Variants in TSPYL1 observed in about 807,000 individuals in gnomAD.
The protein encoded by TSPYL1 is testis-specific Y-encoded-like protein 1.
Under a neutral mutation model 20.1 loss-of-function variants are expected in TSPYL1, and 16 were observed. The ratio of observed to expected loss-of-function variants is 0.80; its 90% CI spans 0.54 to 1.21. The LOEUF (loss-of-function observed/expected upper bound fraction) is 1.21. TSPYL1 is among the 50% of genes most tolerant of loss of function. The pLI, the probability that TSPYL1 is intolerant of heterozygous loss-of-function variation, is 0.00. For synonymous variants in TSPYL1, 259 were observed against 227.1 expected (o/e 1.14, Z -1.26); for missense variants, 560 against 569.3 (o/e 0.98, Z 0.17).
chr6:116,278,753 C>A lies in TSPYL1; in HGVS notation c.1078G>T (p.Gly360Trp). ...SLSTPIIWRR[G>W]HEPQSFIRRN... ...CGAATGAAGGACTGGGGTTCATGCC[C>A]CCTGCGCCATATAATTGGAGTAGAA... The change falls in exon 1 of 1, where the codon GGG becomes TGG. Residue 360 changes from glycine (G) to tryptophan (W), a missense_variant. By Grantham distance (184) the Gly-to-Trp change is radical (BLOSUM62 -2). Transcript: ENST00000368608. The A allele has an allele frequency of 6.2e-7, 1 of 1,614,118 alleles. No homozygotes were observed. Among genetic ancestry groups the A allele is most frequent in the Non-Finnish European group, 8.5e-7 (1 of 1,180,030 alleles).
rs1773269097 is a variant in TSPYL1 at position 116,278,438 on chromosome 6, A to T, written c.*79T>A. On this transcript the variant is annotated 3_prime_UTR_variant, in exon 1 of 1. Transcript: ENST00000368608. ...AAAAACAAAGCACAATAGAAGGCAT[A>T]CTCATTGCTGATGCCCAAGCACAGG... is the stretch of plus-strand genomic sequence containing the variant. The T allele has an allele frequency of 6.3e-7, 1 of 1,587,794 alleles. No individual in the cohort carries two copies. The highest frequency in any genetic ancestry group is 1.3e-5 in the African/African-American group (1 of 74,446).
rs1269550177 is a variant in TSPYL1, at chr6:116,278,485, A to G, written c.*32T>C. ...CAGGTCCAGCAGAAGGTGGTAGGAG[A>G]CCTTGTGCAGGAGTATTCCCAAGGG... On this transcript the variant is annotated 3_prime_UTR_variant, in exon 1 of 1. Transcript: ENST00000368608. The G allele has an allele frequency of 6.2e-7, 1 of 1,613,070 alleles. No homozygotes were observed. Among genetic ancestry groups the G allele is most frequent in the East Asian group, 2.2e-5 (1 of 44,870 alleles).
rs766732991 is a variant in TSPYL1 at position 116,278,969 on chromosome 6, G to C, written c.862C>G (p.Gln288Glu). ...FWMTAFRNHP[Q>E]LSAMIRGQDA... is the part of the protein sequence containing the mutation. Reference sequence around the variant, plus strand: ...TGGCCCCTAATCATGGCGGACAACTGGGGGTGGTTTCGAAAAGCAGTCATC... The same window carrying C: ...TGGCCCCTAATCATGGCGGACAACTCGGGGTGGTTTCGAAAAGCAGTCATC... Residue 288 changes from glutamine to glutamate, a missense_variant, in exon 1 of 1, where the codon CAG (glutamine) becomes GAG (glutamate). Gln to Glu is a conservative substitution (Grantham distance 29, BLOSUM62 2). Coordinates refer to ENST00000368608, the MANE Select transcript of TSPYL1 (RefSeq NM_003309.4). The C allele has an allele frequency of 2.0e-5, 32 of 1,613,968 alleles. No individual in the cohort carries two copies. The highest frequency in any genetic ancestry group is 2.6e-5 in the Non-Finnish European group (31 of 1,180,036).
chr6:116,279,396 C>G lies in TSPYL1; in HGVS notation c.435G>C (p.Thr145=), dbSNP rs1209114564. ...CCTCCGCCTCAGCCTCCGCCCCCGC[C>G]GTCAGCTCAGACGCGGATCTCTGGG... ...CGAQRSASEL[T]AGAEAEAEEV... The change falls in exon 1 of 1, where the codon ACG becomes ACC. Residue 145 remains threonine, a synonymous_variant. Transcript: ENST00000368608. 1 of 1,613,174 alleles carries G rather than the reference C, an allele frequency of 6.2e-7. No homozygotes were observed. The highest frequency in any genetic ancestry group is 1.3e-5 in the African/African-American group (1 of 75,062).
In TSPYL1 at chr6:116,278,619, T is replaced by A. The variant is rs1319907789; in HGVS notation, c.1212A>T (p.Pro404=). Reference sequence around the variant, plus strand: ...CTTCACGCAACAGGTAGTATTGCAGTGGATTTGGCCACAGATCCTCTTTAA... The same window carrying A: ...CTTCACGCAACAGGTAGTATTGCAGAGGATTTGGCCACAGATCCTCTTTAA... ...EIIKEDLWPN[P]LQYYLLREGV... Residue 404 remains proline, a synonymous_variant, in exon 1 of 1, where the codon CCA becomes CCT. Transcript: ENST00000368608. 4 of 1,614,022 alleles carry A rather than the reference T, an allele frequency of 2.5e-6. No homozygotes were observed. In the Admixed American group the frequency reaches 6.7e-5, roughly 27 times the overall value.
rs866525240 is a variant in TSPYL1, at chr6:116,276,123, A to G, written c.*2394T>C. 4.3e-4 allele frequency among the ~76,000 whole-genome samples: 65 copies of G among 152,340 alleles called. No homozygotes were observed. Among genetic ancestry groups the G allele is most frequent in the African/African-American group, 1.4e-3 (59 of 41,584 alleles). On this transcript the variant is annotated 3_prime_UTR_variant, in exon 1 of 1. Transcript: ENST00000368608. ...ACACTAAGTGCATAAAGAAACATTT[A>G]TCTCCTCTATGGGGAACAGAAAGAC...
chr6:116,275,536 C>T lies in TSPYL1; in HGVS notation c.*2981G>A, dbSNP rs1230559418. 1.3e-5 allele frequency among the ~76,000 whole-genome samples: 2 copies of T among 152,180 alleles called. No homozygotes were observed. Among genetic ancestry groups the T allele is most frequent in the Non-Finnish European group, 2.9e-5 (2 of 68,036 alleles). ...GCTAGATGGGCTGGGTGCGGTGGCT[C>T]ACGCCTGTAATCCCAGCACTTTGGG... On this transcript the variant is annotated 3_prime_UTR_variant, in exon 1 of 1. Transcript: ENST00000368608.
At position 116,277,530 on chromosome 6, in the gene TSPYL1, G is replaced by A. The variant is rs1773203666; in HGVS notation, c.*987C>T. 6.6e-6 allele frequency: 1 copy of A among 152,260 alleles called. No individual in the cohort carries two copies. The highest frequency in any genetic ancestry group is 6.5e-5 in the Admixed American group (1 of 15,278). 9.4% of individuals were successfully genotyped at this position (152,260 alleles called of 1,614,324 possible). A position where few individuals can be genotyped will look rare whatever the true frequency, so the allele number is the denominator to read the frequency against. ...AGGAAGTAGGAAGTTGGGAAGAAGG[G>A]GAGGGGCGTAAGAGCTCTAGCACTC... On this transcript the variant is annotated 3_prime_UTR_variant, in exon 1 of 1. Transcript: ENST00000368608.
rs1773106897 is a variant in TSPYL1, at chr6:116,275,724, C to T, written c.*2793G>A. 6.7e-6 allele frequency among the ~76,000 whole-genome samples: 1 copy of T among 150,290 alleles called. No individual in the cohort carries two copies. Among genetic ancestry groups the T allele is most frequent in the South Asian group, 2.1e-4 (1 of 4,802 alleles). On this transcript the variant is annotated 3_prime_UTR_variant, in exon 1 of 1. Transcript: ENST00000368608. ...CTGATGCTGGAGAACTGCTTGAAAC[C>T]GGGAGGCGGAAGTTGCAGTGAGCCG...
At position 116,279,808 on chromosome 6, in the gene TSPYL1, T is replaced by C. The variant is rs748998888; in HGVS notation, c.23A>G (p.Lys8Arg). 6.2e-7 allele frequency: 1 copy of C among 1,613,016 alleles called. No individual in the cohort carries two copies. Among genetic ancestry groups the C allele is most frequent in the Non-Finnish European group, 8.5e-7 (1 of 1,180,026 alleles). MSGLDGV[K>R]RTTPLQTHSI... Reference sequence around the variant, plus strand: ...GTGGGTTTGGAGGGGAGTGGTCCTCTTGACCCCATCCAGGCCGCTCATGTT... The same window carrying C: ...GTGGGTTTGGAGGGGAGTGGTCCTCCTGACCCCATCCAGGCCGCTCATGTT... Residue 8 changes from lysine (K) to arginine (R), a missense_variant, in exon 1 of 1, where the codon AAG becomes AGG. By Grantham distance (26) the Lys-to-Arg change is conservative. Coordinates refer to ENST00000368608, the MANE Select transcript of TSPYL1 (RefSeq NM_003309.4).
rs201325694 is a variant in TSPYL1, at chr6:116,279,458, C to G, written c.373G>C (p.Val125Leu). ...TCTAGGGCCTTCTCTCCACCCTGAA[C>G]GCCCTTTTTCAGGCTGCGGTCGGCT... is the stretch of plus-strand genomic sequence containing the variant. ...MAADRSLKKG[V>L]QGGEKALEIC... The change falls in exon 1 of 1, where the codon GTT becomes CTT. Residue 125 changes from valine (V) to leucine (L), a missense_variant. Val to Leu is a conservative substitution (Grantham distance 32, BLOSUM62 1). Coordinates refer to ENST00000368608, the MANE Select transcript of TSPYL1 (RefSeq NM_003309.4). 15 of 1,613,134 alleles carry G rather than the reference C, an allele frequency of 9.3e-6. No individual in the cohort carries two copies. Among genetic ancestry groups the G allele is most frequent in the Non-Finnish European group, 1.3e-5 (15 of 1,180,040 alleles).
chr6:116,279,299 C>G lies in TSPYL1; in HGVS notation c.532G>C (p.Glu178Gln), dbSNP rs1363229430. Residue 178 changes from glutamate (E) to glutamine (Q), a missense_variant, in exon 1 of 1, where the codon GAA becomes CAA. Coordinates refer to ENST00000368608, the MANE Select transcript of TSPYL1 (RefSeq NM_003309.4). ...ATTACCTCCTTCTCCGCCAGGCCTT[C>G]CTTCACCACCTCAGCGCTCTCCCTC... ...AERESAEVVK[E>Q]GLAEKEVMEE... The G allele has an allele frequency of 1.4e-6, 2 of 1,463,174 alleles. No individual in the cohort carries two copies. The highest frequency in any genetic ancestry group is 1.8e-6 in the Non-Finnish European group (2 of 1,107,860). 90.6% of individuals were successfully genotyped at this position (1,463,174 alleles called of 1,614,324 possible).
At position 116,278,782 on chromosome 6, in the gene TSPYL1, G is replaced by C; in HGVS notation, c.1049C>G (p.Ser350Cys). ...YEVRSSGRVV[S>C]LSTPIIWRRG... ...GCGCCATATAATTGGAGTAGAAAGAGACACCACTCGGCCGGAGGATCTTAC... is the reference window on the plus strand; with the variant it reads ...GCGCCATATAATTGGAGTAGAAAGACACACCACTCGGCCGGAGGATCTTAC... Residue 350 changes from serine to cysteine, a missense_variant, in exon 1 of 1, where the codon TCT becomes TGT. Transcript: ENST00000368608. 6.2e-7 allele frequency: 1 copy of C among 1,614,178 alleles called. No homozygotes were observed. Among genetic ancestry groups the C allele is most frequent in the Non-Finnish European group, 8.5e-7 (1 of 1,180,038 alleles).
In TSPYL1 at chr6:116,278,600, G is replaced by A. The variant is rs1773279853; in HGVS notation, c.1231C>T (p.Arg411Cys). 2 of 1,614,140 alleles carry A rather than the reference G, an allele frequency of 1.2e-6. No individual in the cohort carries two copies. ...CGTCGGGCTCTACGGACTCCTTCACGCAACAGGTAGTATTGCAGTGGATTT... is the reference window on the plus strand; with the variant it reads ...CGTCGGGCTCTACGGACTCCTTCACACAACAGGTAGTATTGCAGTGGATTT... ...WPNPLQYYLLREGVRRARRRP... is the reference protein window; with the variant it reads ...WPNPLQYYLLCEGVRRARRRP... Residue 411 changes from arginine (R) to cysteine (C), a missense_variant, in exon 1 of 1, where the codon CGT becomes TGT. Transcript: ENST00000368608.
chr6:116,278,792 G>A lies in TSPYL1; in HGVS notation c.1039C>T (p.Arg347Ter), dbSNP rs1300109828. ...VKEYEVRSSGRVVSLSTPIIW... is the reference protein window; with the variant it reads ...VKEYEVRSSG ...ATTGGAGTAGAAAGAGACACCACTC[G>A]GCCGGAGGATCTTACCTCATATTCC... Residue 347 changes from arginine (R) to a stop codon, truncating the protein, a stop_gained, in exon 1 of 1, where the codon CGA becomes TGA. Transcript: ENST00000368608. LOFTEE classifies it high-confidence loss of function. 1 of 1,614,108 alleles carries A rather than the reference G, an allele frequency of 6.2e-7. No homozygotes were observed. The highest frequency in any genetic ancestry group is 8.5e-7 in the Non-Finnish European group (1 of 1,180,022).
rs1223606138 is a variant in TSPYL1, at chr6:116,278,805, T to A, written c.1026A>T (p.Val342=). Reference sequence around the variant, plus strand: ...GAGACACCACTCGGCCGGAGGATCTTACCTCATATTCCTTGACAATCAGCT... The same window carrying A: ...GAGACACCACTCGGCCGGAGGATCTAACCTCATATTCCTTGACAATCAGCT... ...RNKLIVKEYE[V]RSSGRVVSLS... is the part of the protein sequence containing the mutation. The change falls in exon 1 of 1, where the codon GTA becomes GTT. Residue 342 remains valine (V), a synonymous_variant. Coordinates refer to ENST00000368608, the MANE Select transcript of TSPYL1 (RefSeq NM_003309.4). The A allele has an allele frequency of 4.3e-6, 7 of 1,614,080 alleles. No homozygotes were observed. The highest frequency in any genetic ancestry group is 5.9e-6 in the Non-Finnish European group (7 of 1,180,050).
rs1562197540 is a variant in TSPYL1 at position 116,278,746 on chromosome 6, T to C, written c.1085A>G (p.Glu362Gly). Reference sequence around the variant, plus strand: ...GTTTCTGCGAATGAAGGACTGGGGTTCATGCCCCCTGCGCCATATAATTGG... The same window carrying C: ...GTTTCTGCGAATGAAGGACTGGGGTCCATGCCCCCTGCGCCATATAATTGG... The part of the protein sequence containing the change: ...STPIIWRRGH[E>G]PQSFIRRNQD... The change falls in exon 1 of 1, where the codon GAA (glutamate) becomes GGA (glycine). Residue 362 changes from glutamate (E) to glycine (G), a missense_variant. Transcript: ENST00000368608. The C allele has an allele frequency of 6.2e-7, 1 of 1,614,136 alleles. No individual in the cohort carries two copies. The highest frequency in any genetic ancestry group is 8.5e-7 in the Non-Finnish European group (1 of 1,180,004).
rs772140391 is a variant in TSPYL1 at position 116,279,731 on chromosome 6, G to A, written c.100C>T (p.Leu34=). The change falls in exon 1 of 1, where the codon CTG becomes TTG. Residue 34 remains leucine (L), a synonymous_variant. Transcript: ENST00000368608. ...VPSDQDAHQY[L]RLRDQSEATQ... ...GCCTCGCTTTGGTCGCGGAGCCTCA[G>A]GTACTGGTGTGCGTCCTGGTCGCTC... 6.2e-7 allele frequency: 1 copy of A among 1,611,772 alleles called. No individual in the cohort carries two copies. Among genetic ancestry groups the A allele is most frequent in the Non-Finnish European group, 8.5e-7 (1 of 1,180,028 alleles).
In TSPYL1 at chr6:116,279,890, G is replaced by C. The variant is rs60663392; in HGVS notation, c.-60C>G. On this transcript the variant is annotated 5_prime_UTR_variant, in exon 1 of 1. Transcript: ENST00000368608. ...CCGTTTTCCTCAGAGGCCGAACTGGGAGCTAACCGCCGCTCGCACCGCCCA... is the reference window on the plus strand; with the variant it reads ...CCGTTTTCCTCAGAGGCCGAACTGGCAGCTAACCGCCGCTCGCACCGCCCA... 1.2e-6 allele frequency: 2 copies of C among 1,610,616 alleles called. No homozygotes were observed. Among genetic ancestry groups the C allele is most frequent in the Admixed American group, 1.7e-5 (1 of 59,998 alleles).
Sources: gnomAD v4.1 joint callset for allele counts (sites outside exome capture counted in the v4.1 genomes callset) on GRCh38, gnomAD v4.1.1 for gene constraint, MANE v1.5 for transcripts, NCBI Gene and HGNC (gene_info 2026-07-23, HGNC 2026-07-21) for gene names.